The following WRNIP1 variants were observed in gnomAD, a reference collection of about 807,000 sequenced individuals.
WRNIP1 encodes ATPase WRNIP1.
WRNIP1 carries 41 observed loss-of-function variants against 56.1 expected under a neutral mutation model. That is an observed-to-expected ratio of 0.73 (90% confidence interval 0.57 to 0.95). The LOEUF is 0.95. Ranked by LOEUF, WRNIP1 falls within the 40% of genes least tolerant of loss-of-function variation. The pLI is 0.00. For synonymous variants in WRNIP1, 547 were observed against 398.1 expected (o/e 1.37, Z -4.45); for missense variants, 1,170 against 939.4 (o/e 1.25, Z -3.21).
intron 3 of WRNIP1, chr6:2,773,265 A>G: frequency 1.0e-6 from 1 of 985,444 alleles, no homozygotes. Context: ...CTGAGGGTTG[A>G]AAAGCTTGTT....
chr6:2,773,907 G>C, intron 3 of WRNIP1: 1 of 985,354 alleles, frequency 1.0e-6, no homozygotes, highest in South Asian at 4.7e-5. Flanking sequence ...AGTGGCGTCT[G>C]TCCCTGGGTA....
intron 2 of WRNIP1, among the ~76,000 whole-genome samples, chr6:2,769,380 AT>A (rs1237186830): frequency 6.6e-6 from 1 of 152,294 alleles, no homozygotes; most frequent in East Asian, 1.9e-4. Context: ...GACACAAGCT[AT>A]TTTTATAAAC....
intron 4 of WRNIP1, among the ~76,000 whole-genome samples, chr6:2,781,034 C>G (rs1351641787): frequency 6.6e-6 from 1 of 152,242 alleles, no homozygotes; most frequent in African/African-American, 2.4e-5. Context: ...AAATCCAGGT[C>G]TTACTGGTTC....
rs760281660 is a variant in WRNIP1 at position 2,765,770 on chromosome 6, C to T, written c.148C>T (p.Pro50Ser). 2.0e-6 allele frequency: 3 copies of T among 1,465,272 alleles called. No homozygotes were observed. Among genetic ancestry groups the T allele is most frequent in the African/African-American group, 1.5e-5 (1 of 68,496 alleles). The allele number at this position is 1,465,272 out of a possible 1,614,324, so 90.8% of individuals were successfully genotyped here. Reference sequence around the variant, plus strand: ...GCTCCACCCGGCGGGGCACGCGGAGCCCGCGGCCGGGTCGCACCGCGCCGG... The same window carrying T: ...GCTCCACCCGGCGGGGCACGCGGAGTCCGCGGCCGGGTCGCACCGCGCCGG... ...LLLHPAGHAE[P>S]AAGSHRAGER... is the part of the protein sequence containing the mutation. The change falls in exon 1 of 7, where the codon CCC becomes TCC. Residue 50 changes from proline to serine, a missense_variant. Pro to Ser is a moderately conservative substitution (Grantham distance 74). Transcript: ENST00000380773.
chr6:2,777,272 A>G (rs533161193), intron 3 of WRNIP1, among the ~76,000 whole-genome samples: 19 of 152,336 alleles, frequency 1.2e-4, no homozygotes, highest in African/African-American at 4.6e-4. Flanking sequence ...CCTATCATCT[A>G]CCAGGTCTGG....
chr6:2,779,131 A>G (rs957483050), intron 3 of WRNIP1, 132 bp from the exon 4 acceptor site: 15 of 902,124 alleles, frequency 1.7e-5, no homozygotes, highest in Admixed American at 5.1e-5. Context: ...CACATTGACA[A>G]AGGTGAGAAT....
In WRNIP1 at chr6:2,766,009, C is replaced by G; in HGVS notation, c.387C>G (p.Ala129=). The G allele has an allele frequency of 1.5e-6, 2 of 1,351,946 alleles. No individual in the cohort carries two copies. The highest frequency in any genetic ancestry group is 1.9e-6 in the Non-Finnish European group (2 of 1,050,796). The allele number at this position is 1,351,946 out of a possible 1,614,324, so 83.7% of individuals were successfully genotyped here. Residue 129 remains alanine, a synonymous_variant, in exon 1 of 7, where the codon GCC becomes GCG. Transcript: ENST00000380773. ...GCCTTATCCCCGACTTCCCGGTGGC[C>G]CGCTCCAGCAGCCCCGGGAGGAAGG... ...GARLIPDFPV[A]RSSSPGRKGS...
chr6:2,769,018 A>G (rs1765164134), intron 2 of WRNIP1, 136 bp downstream of exon 2: 1 of 786,446 alleles, frequency 1.3e-6, no homozygotes. Flanking sequence ...CATCTCCTTC[A>G]AGCCTATTTC....
intron 3 of WRNIP1, among the ~76,000 whole-genome samples, chr6:2,778,837 G>A (rs1309493562): frequency 1.3e-5 from 2 of 152,224 alleles, no homozygotes; most frequent in African/African-American, 4.8e-5. Flanking sequence ...GTGGAAAGTG[G>A]TCTAAGCACA....
At chr6:2,769,630 A>C (rs1191984619) in intron 2 of WRNIP1, among the ~76,000 whole-genome samples, 1 of 152,184 alleles carries the variant, frequency 6.6e-6, no homozygotes, top group Non-Finnish European at 1.5e-5. Flanking sequence ...TCTAGGTTTC[A>C]TATTGGACCA....
At chr6:2,773,105 A>G (rs890209109) in intron 3 of WRNIP1, 13 of 985,338 alleles carry the variant, frequency 1.3e-5, no homozygotes, top group Non-Finnish European at 1.6e-5. Flanking sequence ...TCTTGATTGC[A>G]CTTGAGGAAT....
intron 2 of WRNIP1, 49 bp downstream of exon 2, chr6:2,768,931 A>G: frequency 1.9e-6 from 3 of 1,543,728 alleles, no homozygotes; most frequent in East Asian, 2.3e-5. Context: ...ATCAAACAAT[A>G]TAAAGTGTGT....
intron 3 of WRNIP1, among the ~76,000 whole-genome samples, chr6:2,774,876 G>A (rs1765396713): frequency 6.6e-6 from 1 of 152,248 alleles, no homozygotes; most frequent in Admixed American, 6.5e-5. Context: ...TGGAGAGTAT[G>A]CTGTTGCACA....
intron 3 of WRNIP1, among the ~76,000 whole-genome samples, chr6:2,776,292 A>T (rs899375625): frequency 6.6e-6 from 1 of 152,158 alleles, no homozygotes; most frequent in African/African-American, 2.4e-5. Flanking sequence ...TTCACAGTGA[A>T]TCTCCATTTT....
chr6:2,784,588 C>T (rs563261651), intron 6 of WRNIP1, among the ~76,000 whole-genome samples, 185 bp downstream of exon 6: 3 of 152,122 alleles, frequency 2.0e-5, no homozygotes, highest in African/African-American at 7.2e-5. Context: ...TCTGTGTCAA[C>T]GAGGTCATGT....
Position 2,779,457 on chromosome 6 carries a change from G to A in WRNIP1, c.1451G>A (p.Gly484Asp). The A allele has an allele frequency of 1.2e-6, 2 of 1,614,166 alleles. No individual in the cohort carries two copies. The highest frequency in any genetic ancestry group is 1.3e-5 in the African/African-American group (1 of 75,042). Reference protein sequence around the residue: ...VLITENDVKEGLQRSHILYDR... With the variant: ...VLITENDVKEDLQRSHILYDR... ...ATCACAGAGAATGACGTGAAGGAGGGCCTACAGCGATCCCACATTTTATAT... is the reference window on the plus strand; with the variant it reads ...ATCACAGAGAATGACGTGAAGGAGGACCTACAGCGATCCCACATTTTATAT... The change falls in exon 4 of 7, where the codon GGC becomes GAC. Residue 484 changes from glycine to aspartate, a missense_variant. Coordinates refer to ENST00000380773, the MANE Select transcript of WRNIP1 (RefSeq NM_020135.3).
chr6:2,767,721 C>T (rs77173533), intron 1 of WRNIP1, among the ~76,000 whole-genome samples: 2,574 of 152,324 alleles, frequency 0.017, 71 homozygotes, highest in African/African-American at 0.058. Context: ...TGGCCCCAGA[C>T]AGCAAGAAGG....
intron 3 of WRNIP1, among the ~76,000 whole-genome samples, chr6:2,770,578 G>T (rs1765239782): frequency 6.6e-6 from 1 of 152,178 alleles, no homozygotes; most frequent in Non-Finnish European, 1.5e-5. Context: ...CCTCTAATAT[G>T]TGTTTCTATA....
At chr6:2,781,806 G>A (rs1370157627) in intron 4 of WRNIP1, among the ~76,000 whole-genome samples, 2 of 152,220 alleles carry the variant, frequency 1.3e-5, no homozygotes, top group East Asian at 3.8e-4. Flanking sequence ...TGCCTGCTCT[G>A]TGCCAGGCGT....
Sources: gnomAD v4.1 joint callset for allele counts (sites outside exome capture counted in the v4.1 genomes callset) on GRCh38, gnomAD v4.1.1 for gene constraint, MANE v1.5 for transcripts, NCBI Gene and HGNC (gene_info 2026-07-23, HGNC 2026-07-21) for gene names.